C12orf56: variants seen among roughly 807,000 people sequenced by gnomAD.
The protein encoded by C12orf56 is uncharacterized protein C12orf56.
A neutral mutation model predicts 69.9 loss-of-function variants in C12orf56; 71 were observed. The ratio of observed to expected loss-of-function variants is 1.02; its 90% CI spans 0.84 to 1.24. C12orf56 has a LOEUF of 1.24. Ranked by LOEUF, C12orf56 falls within the 50% of genes most tolerant of loss-of-function variation. C12orf56 has a pLI of 0.00. For synonymous variants in C12orf56, 276 were observed against 274.1 expected (o/e 1.01, Z -0.07); for missense variants, 732 against 738.5 (o/e 0.99, Z 0.10).
Position 64,318,835 on chromosome 12 carries a change from C to T in C12orf56, c.634G>A (p.Gly212Ser). ...CAAGATGGCTCGCTGACAGCCTTGCCAGTTGTTGGTGCAGACTGAGAGCTC... is the reference window on the plus strand; with the variant it reads ...CAAGATGGCTCGCTGACAGCCTTGCTAGTTGTTGGTGCAGACTGAGAGCTC... ...RRSSQSAPTT[G>S]KAVSEPSCTT... is the part of the protein sequence containing the mutation. The change falls in exon 4 of 13, where the codon GGC (glycine) becomes AGC (serine). Residue 212 changes from glycine (G) to serine (S), a missense_variant. Coordinates refer to ENST00000543942, the MANE Select transcript of C12orf56 (RefSeq NM_001170633.2). The T allele has an allele frequency of 6.5e-7, 1 of 1,537,160 alleles. No homozygotes were observed. Among genetic ancestry groups the T allele is most frequent in the South Asian group, 1.2e-5 (1 of 84,046 alleles).
chr12:64,281,990 A>T (rs551104079), intron 8 of C12orf56, among the ~76,000 whole-genome samples: 1 of 152,338 alleles, frequency 6.6e-6, no homozygotes, highest in South Asian at 2.1e-4. Flanking sequence ...GTGGGAGAAG[A>T]CAGAAATATC....
In C12orf56 at chr12:64,285,938, T is replaced by A; in HGVS notation, c.1220+16A>T. On this transcript the variant is annotated intron_variant, in intron 7 of 12. Coordinates refer to ENST00000543942, the MANE Select transcript of C12orf56 (RefSeq NM_001170633.2). ...GCAAAAAAAAAAAAATCGATGATTA[T>A]CTAGTTAGTACTTACACCAGCTCAT... The A allele has an allele frequency of 6.7e-7, 1 of 1,494,572 alleles. No homozygotes were observed. The highest frequency in any genetic ancestry group is 9.1e-7 in the Non-Finnish European group (1 of 1,101,634). The allele number at this position is 1,494,572 out of a possible 1,614,324, so 92.6% of individuals were successfully genotyped here.
chr12:64,280,233 T>C (rs535165121), intron 8 of C12orf56, among the ~76,000 whole-genome samples: 7 of 152,272 alleles, frequency 4.6e-5, no homozygotes, highest in East Asian at 1.9e-4. Context: ...CAATAATAGA[T>C]AGAAGAAATT....
chr12:64,314,836 C>T (rs1012456534), intron 4 of C12orf56, among the ~76,000 whole-genome samples: 11 of 150,002 alleles, frequency 7.3e-5, no homozygotes, highest in South Asian at 4.2e-4. Flanking sequence ...GGGGTTTCAC[C>T]GTGTTAGCCA....
Position 64,318,921 on chromosome 12 carries a change from A to C in C12orf56, c.548T>G (p.Leu183Arg), listed in dbSNP as rs529299417. ...KDSTLCPRPG[L>R]KKLSLHGQGA... is the part of the protein sequence containing the mutation. ...TTGGCCATGAAGGGACAGCTTTTTG[A>C]GGCCTGGACGAGGACAGAGAGTTGA... Residue 183 changes from leucine (L) to arginine (R), a missense_variant, in exon 4 of 13, where the codon CTC (leucine) becomes CGC (arginine). Coordinates refer to ENST00000543942, the MANE Select transcript of C12orf56 (RefSeq NM_001170633.2). 6.5e-7 allele frequency: 1 copy of C among 1,536,770 alleles called. No homozygotes were observed. The highest frequency in any genetic ancestry group is 1.4e-5 in the African/African-American group (1 of 73,140).
At chr12:64,285,884 A>AG (rs1183318519) in intron 7 of C12orf56, 70 bp downstream of exon 7, 1 of 899,236 alleles carries the variant, frequency 1.1e-6, no homozygotes, top group East Asian at 2.7e-5. Flanking sequence ...TATTTTGTCC[A>AG]GTGTCTTCCA....
chr12:64,295,829 A>G (rs1310063978), intron 6 of C12orf56, among the ~76,000 whole-genome samples: 1 of 151,012 alleles, frequency 6.6e-6, no homozygotes, highest in East Asian at 1.9e-4. Context: ...TCTATAATAT[A>G]TATCACTCTA....
intron 1 of C12orf56, among the ~76,000 whole-genome samples, chr12:64,375,835 T>C (rs914236999): frequency 1.3e-5 from 2 of 152,206 alleles, no homozygotes; most frequent in Non-Finnish European, 2.9e-5. Flanking sequence ...GTTTTTCTGA[T>C]TGGATTGTGA....
Position 64,388,028 on chromosome 12 carries a change from G to A in C12orf56, c.252+2286C>T, listed in dbSNP as rs563483288. Among the ~76,000 whole-genome samples the A allele has an allele frequency of 3.9e-5, 6 of 152,074 alleles. No homozygotes were observed. The East Asian group carries it at 9.8e-4, about 25-fold the overall frequency. ...CCTGTTGCCCAGTCTGGAGTGCAAC[G>A]GCGCCATCTCAGCTCACTGCAACCT... On this transcript the variant is annotated intron_variant, in intron 1 of 12. Coordinates refer to ENST00000543942, the MANE Select transcript of C12orf56 (RefSeq NM_001170633.2).
intron 1 of C12orf56, among the ~76,000 whole-genome samples, chr12:64,366,406 A>G (rs2039487770): frequency 1.2e-5 from 1 of 85,562 alleles, no homozygotes; most frequent in African/African-American, 4.6e-5. Context: ...TATATTATAT[A>G]TAACATACAG....
chr12:64,341,765 C>T (rs942179125), intron 2 of C12orf56, among the ~76,000 whole-genome samples: 1 of 152,142 alleles, frequency 6.6e-6, no homozygotes, highest in Non-Finnish European at 1.5e-5. Context: ...ATCAACCTGC[C>T]ACCAGGTAGC....
rs1565749032 is a variant in C12orf56, at chr12:64,308,950, AGAAAGAAAG to A, written c.968+3720_968+3728del. Among the ~76,000 whole-genome samples, 80 of 111,356 alleles carry A rather than the reference AGAAAGAAAG, an allele frequency of 7.2e-4. 1 individual carries two copies. The highest frequency in any genetic ancestry group is 6.5e-3 in the Admixed American group (69 of 10,564). The allele number at this position is 111,356 out of a possible 152,430, so 73.1% of individuals were successfully genotyped here. On this transcript the variant is annotated intron_variant, in intron 5 of 12. Transcript: ENST00000543942. ...AAAGAAAGAAAGAAAGAAGAAAGAA[AGAAAGAAAG>A]AAAGAAAGAAAGAAAAGAAAGAAAG...
chr12:64,340,073 G>A lies in C12orf56; in HGVS notation c.416-9041C>T, dbSNP rs1460001083. Among the ~76,000 whole-genome samples the A allele has an allele frequency of 2.0e-5, 3 of 151,942 alleles. No homozygotes were observed. The East Asian group carries it at 5.8e-4, about 29-fold the overall frequency. ...CACATGATCACAAGGTCCCACAATA[G>A]GCTGTCTACAGGCTGAAGAACAAGG... is the stretch of plus-strand genomic sequence containing the variant. On this transcript the variant is annotated intron_variant, in intron 2 of 12. Coordinates refer to ENST00000543942, the MANE Select transcript of C12orf56 (RefSeq NM_001170633.2).
intron 1 of C12orf56, among the ~76,000 whole-genome samples, chr12:64,386,142 G>T (rs949843079): frequency 6.6e-6 from 1 of 152,038 alleles, no homozygotes; most frequent in Non-Finnish European, 1.5e-5. Context: ...ATGACTAGTC[G>T]AGTCTTTCTC....
chr12:64,303,808 TA>T, intron 5 of C12orf56, 29 bp from the exon 6 acceptor site: 6 of 1,552,656 alleles, frequency 3.9e-6, no homozygotes, highest in East Asian at 4.6e-5. Flanking sequence ...ATTTTCCACT[TA>T]AAAAAATGGT....
At chr12:64,338,780 T>C (rs1181417686) in intron 2 of C12orf56, 4 of 1,348,682 alleles carry the variant, frequency 3.0e-6, no homozygotes, top group South Asian at 2.4e-5. Flanking sequence ...CATGTCAGCA[T>C]TGCTGAGAGC....
chr12:64,282,163 C>T (rs2038137637), intron 8 of C12orf56, among the ~76,000 whole-genome samples: 1 of 152,000 alleles, frequency 6.6e-6, no homozygotes, highest in Non-Finnish European at 1.5e-5. Context: ...TGAGACCAGC[C>T]CCGACAACAA....
intron 1 of C12orf56, among the ~76,000 whole-genome samples, chr12:64,365,851 T>TATTATATATAGTGTATATATTATAC (rs1275287432): frequency 4.3e-5 from 6 of 138,662 alleles, no homozygotes; most frequent in Admixed American, 1.5e-4. Context: ...GTATATATTG[T>TATTATATATAGTGTATATATTATAC]ATTATATATA....
chr12:64,382,545 A>C lies in C12orf56; in HGVS notation c.252+7769T>G, dbSNP rs542277602. Among the ~76,000 whole-genome samples, 3 of 152,236 alleles carry C rather than the reference A, an allele frequency of 2.0e-5. No individual in the cohort carries two copies. In the South Asian group the frequency reaches 6.2e-4, roughly 32 times the overall value. ...TATATTTAATTTATTAATCAGTTTA[A>C]GCCAACAACTCTATAAGTAAAACTG... On this transcript the variant is annotated intron_variant, in intron 1 of 12. Transcript: ENST00000543942.
Sources: allele counts gnomAD v4.1 joint callset (sites outside exome capture counted in the v4.1 genomes callset), GRCh38; gene constraint gnomAD v4.1.1; transcripts MANE v1.5; gene names NCBI Gene and HGNC (gene_info 2026-07-23, HGNC 2026-07-21).